MYCT1: variants seen among roughly 807,000 people sequenced by gnomAD.
MYCT1 encodes the protein myc target protein 1.
MYCT1 carries 12 observed loss-of-function variants against 15.0 expected under a neutral mutation model. The observed-to-expected ratio is 0.80, with a 90% CI of 0.51 to 1.29. The LOEUF (loss-of-function observed/expected upper bound fraction) is 1.29. Ranked by LOEUF, MYCT1 falls within the 50% of genes most tolerant of loss-of-function variation. MYCT1 has a pLI of 0.00. For missense variants in MYCT1, 287 were observed against 279.1 expected (o/e 1.03, Z -0.20); for synonymous variants, 104 against 102.7 (o/e 1.01, Z -0.07).
intron 1 of MYCT1, among the ~76,000 whole-genome samples, chr6:152,721,292 T>A (rs966552469): frequency 5.9e-5 from 9 of 152,176 alleles, no homozygotes; most frequent in Admixed American, 5.9e-4. Context: ...ATCAATGTGA[T>A]TGATGAAAGC....
At chr6:152,736,283 A>G in the MYCT1 span, among the ~76,000 whole-genome samples, 28 of 152,194 alleles carry the variant, frequency 1.8e-4, no homozygotes, top group Non-Finnish European at 1.5e-5. Context: ...GTGTGATGCA[A>G]TGAACAAATT....
chr6:152,741,013 GATAAGTATATTAAGTTCT>G, the MYCT1 span, among the ~76,000 whole-genome samples: 1 of 152,062 alleles, frequency 6.6e-6, no homozygotes, highest in Non-Finnish European at 1.5e-5. Flanking sequence ...AGAAGTGTGG[GATAAGTATATTAAGTTCT>G]AAAAACAATG....
At chr6:152,703,004 C>G (rs913587976) in intron 1 of MYCT1, among the ~76,000 whole-genome samples, 4 of 152,186 alleles carry the variant, frequency 2.6e-5, no homozygotes, top group Non-Finnish European at 4.4e-5. Context: ...ACTTCTGCAT[C>G]TAAATTCATG....
At chr6:152,740,432 C>A in the MYCT1 span, among the ~76,000 whole-genome samples, 1 of 152,136 alleles carries the variant, frequency 6.6e-6, no homozygotes, top group East Asian at 1.9e-4. Context: ...AAATTTGCTT[C>A]TTTTCTTACT....
downstream of MYCT1, among the ~76,000 whole-genome samples, chr6:152,727,178 T>C (rs1167556168): frequency 6.8e-6 from 1 of 148,140 alleles, no homozygotes; most frequent in Non-Finnish European, 1.5e-5. Flanking sequence ...ACCACTGCAC[T>C]CCTGCCTGGG....
intron 1 of MYCT1, among the ~76,000 whole-genome samples, chr6:152,715,905 C>A (rs186257553): frequency 6.6e-6 from 1 of 152,064 alleles, no homozygotes; most frequent in Non-Finnish European, 1.5e-5. Flanking sequence ...TAATTGGGAG[C>A]CTATCAAGTA....
the MYCT1 span, among the ~76,000 whole-genome samples, chr6:152,739,135 T>C: frequency 4.8e-4 from 73 of 152,034 alleles, no homozygotes; most frequent in African/African-American, 1.7e-3. Context: ...GAGTTTTATA[T>C]TTCTCTTTAC....
the MYCT1 span, among the ~76,000 whole-genome samples, chr6:152,735,830 G>A: frequency 6.6e-6 from 1 of 152,078 alleles, no homozygotes; most frequent in Non-Finnish European, 1.5e-5. Context: ...GGGTGGTATA[G>A]CCATAGATGA....
chr6:152,706,216 T>C, intron 1 of MYCT1: 1 of 776,486 alleles, frequency 1.3e-6, no homozygotes, highest in Non-Finnish European at 2.3e-6. Context: ...GAGAAGTCAG[T>C]TGGAGAAAAT....
the MYCT1 span, among the ~76,000 whole-genome samples, chr6:152,740,828 C>A: frequency 6.6e-6 from 1 of 152,162 alleles, no homozygotes; most frequent in Middle Eastern, 3.4e-3. Context: ...ATATATTTTT[C>A]TTTAGCCATA....
intron 1 of MYCT1, among the ~76,000 whole-genome samples, chr6:152,703,945 AT>A (rs1290921015): frequency 0.018 from 540 of 30,318 alleles, 11 homozygotes; most frequent in South Asian, 0.053. Flanking sequence ...CCTGTTTTTT[AT>A]TTTATTTTAT....
At chr6:152,743,645 T>C in the MYCT1 span, among the ~76,000 whole-genome samples, 72 of 152,310 alleles carry the variant, frequency 4.7e-4, no homozygotes, top group East Asian at 0.012. Context: ...CTGTGGGTTT[T>C]GAATTTGCTG....
intron 1 of MYCT1, among the ~76,000 whole-genome samples, chr6:152,702,446 T>A (rs1565389598): frequency 6.6e-6 from 1 of 152,330 alleles, no homozygotes; most frequent in East Asian, 1.9e-4. Flanking sequence ...TTTTCCTTTT[T>A]CTATGCATCC....
the MYCT1 span, among the ~76,000 whole-genome samples, chr6:152,741,134 C>T: frequency 6.6e-6 from 1 of 152,126 alleles, no homozygotes; most frequent in African/African-American, 2.4e-5. Context: ...GTCAATGTTT[C>T]CAGTCTAGGT....
intron 1 of MYCT1, among the ~76,000 whole-genome samples, chr6:152,721,228 T>C (rs1368945341): frequency 1.3e-5 from 2 of 152,176 alleles, no homozygotes; most frequent in Admixed American, 1.3e-4. Flanking sequence ...CAGCACTTCC[T>C]GTCTCAGAAA....
At chr6:152,734,952 T>A in the MYCT1 span, among the ~76,000 whole-genome samples, 1 of 152,232 alleles carries the variant, frequency 6.6e-6, no homozygotes, top group Admixed American at 6.5e-5. Flanking sequence ...GGAAATTTGT[T>A]TTTTAAAATA....
the MYCT1 span, among the ~76,000 whole-genome samples, chr6:152,733,950 C>T: frequency 1.1e-4 from 17 of 151,956 alleles, no homozygotes; most frequent in African/African-American, 4.1e-4. Context: ...TATCCCATCA[C>T]TCCATAAGTG....
chr6:152,733,091 C>A, the MYCT1 span, among the ~76,000 whole-genome samples: 3 of 150,714 alleles, frequency 2.0e-5, no homozygotes, highest in African/African-American at 7.3e-5. Flanking sequence ...TTTGCTTGTT[C>A]TTTTGTTTGT....
At chr6:152,740,538 A>G in the MYCT1 span, among the ~76,000 whole-genome samples, 1 of 152,210 alleles carries the variant, frequency 6.6e-6, no homozygotes, top group African/African-American at 2.4e-5. Context: ...CTTGAAAAAT[A>G]AGAAGTAATA....
Sources: allele counts gnomAD v4.1 joint callset (sites outside exome capture counted in the v4.1 genomes callset), GRCh38; gene constraint gnomAD v4.1.1; transcripts MANE v1.5; gene names NCBI Gene and HGNC (gene_info 2026-07-23, HGNC 2026-07-21).